Variants in CERS4 observed in about 807,000 individuals in gnomAD.
CERS4 encodes ceramide synthase 4.
A neutral mutation model predicts 51.8 loss-of-function variants in CERS4; 65 were observed. That is an observed-to-expected ratio of 1.26 (90% confidence interval 1.03 to 1.54). The LOEUF (loss-of-function observed/expected upper bound fraction) is 1.54. CERS4 is among the 40% of genes most tolerant of loss of function. The pLI is 0.00. For synonymous variants in CERS4, 228 were observed against 208.4 expected (o/e 1.09, Z -0.81); for missense variants, 563 against 500.4 (o/e 1.13, Z -1.19).
chr19:8,225,801 C>T (rs1038396500), intron 2 of CERS4, among the ~76,000 whole-genome samples: 11 of 151,918 alleles, frequency 7.2e-5, no homozygotes, highest in African/African-American at 2.7e-4. Context: ...ATGCCTGGTG[C>T]CACAGAGCTG....
intron 3 of CERS4, among the ~76,000 whole-genome samples, chr19:8,251,808 A>G (rs1969095937): frequency 6.7e-6 from 1 of 149,412 alleles, no homozygotes; most frequent in Non-Finnish European, 1.5e-5. Context: ...CATAAAAAAA[A>G]AAAAATGTGA....
intron 2 of CERS4, among the ~76,000 whole-genome samples, chr19:8,212,841 T>G (rs559273988): frequency 2.6e-5 from 4 of 151,214 alleles, no homozygotes; most frequent in Non-Finnish European, 5.9e-5. Flanking sequence ...GGGGGGTGGG[T>G]TTCACCATGT....
chr19:8,261,732 CCTTCTTCGGCT>C lies in CERS4; in HGVS notation c.894_904del (p.Phe299LeufsTer27). 1 of 1,614,158 alleles carries C rather than the reference CCTTCTTCGGCT, an allele frequency of 6.2e-7. No homozygotes were observed. The highest frequency in any genetic ancestry group is 8.5e-7 in the Non-Finnish European group (1 of 1,180,018). ...TACGAGTCCATCAGCAACAGGGGCC[CCTTCTTCGGCT>C]ACTACTTCTTCAACGGGCTTCTGAT... On this transcript the variant is annotated frameshift_variant, in exon 11 of 12. Transcript: ENST00000251363. LOFTEE classifies it high-confidence loss of function.
At chr19:8,255,523 G>A (rs1472142569) in intron 4 of CERS4, 84 bp from the exon 5 acceptor site, 1 of 1,209,374 alleles carries the variant, frequency 8.3e-7, no homozygotes, top group Non-Finnish European at 1.2e-6. Context: ...GCAGTGGAGA[G>A]GGCAGAGCCA....
chr19:8,252,103 G>A (rs2145297937), intron 3 of CERS4, among the ~76,000 whole-genome samples: 1 of 151,824 alleles, frequency 6.6e-6, no homozygotes, highest in South Asian at 2.1e-4. Flanking sequence ...GGGTGCAGTG[G>A]CTCATGCCTG....
intron 2 of CERS4, among the ~76,000 whole-genome samples, chr19:8,246,385 T>A (rs1968789759): frequency 6.6e-6 from 1 of 151,400 alleles, no homozygotes; most frequent in East Asian, 2.0e-4. Flanking sequence ...AGGGAGACCC[T>A]CTCTCTACAC....
At chr19:8,236,304 C>T (rs1846999317) in intron 2 of CERS4, among the ~76,000 whole-genome samples, 1 of 152,180 alleles carries the variant, frequency 6.6e-6, no homozygotes, top group Non-Finnish European at 1.5e-5. Context: ...AAAGACGTTT[C>T]CTAACATGAC....
chr19:8,259,456 T>C (rs1274745312), intron 10 of CERS4, among the ~76,000 whole-genome samples: 2 of 151,916 alleles, frequency 1.3e-5, no homozygotes, highest in Non-Finnish European at 2.9e-5. Context: ...GACTTTGGCT[T>C]TGACCCCGGG....
At chr19:8,233,717 T>A (rs866243873) in intron 2 of CERS4, among the ~76,000 whole-genome samples, 5 of 152,064 alleles carry the variant, frequency 3.3e-5, no homozygotes, top group African/African-American at 7.2e-5. Context: ...AATTAAAAAA[T>A]TTTTTAATTG....
chr19:8,221,222 G>T (rs1967527351), intron 2 of CERS4, among the ~76,000 whole-genome samples: 1 of 151,236 alleles, frequency 6.6e-6, no homozygotes, highest in Non-Finnish European at 1.5e-5. Context: ...TCCCACCCCA[G>T]CCTCCCAAAG....
rs1275506817 is a variant in CERS4, at chr19:8,224,620, T to C, written c.-2+13758T>C. Among the ~76,000 whole-genome samples, 10 of 152,004 alleles carry C rather than the reference T, an allele frequency of 6.6e-5. No homozygotes were observed. In the East Asian group the frequency reaches 1.9e-3, roughly 29 times the overall value. ...AGGGAATGGCATGTGCCAAGGTCCA[T>C]TTGCTGGGGAGCACCGTGCCAGGCC... On this transcript the variant is annotated intron_variant, in intron 2 of 11. Coordinates refer to ENST00000251363, the MANE Select transcript of CERS4 (RefSeq NM_024552.3).
chr19:8,234,611 T>C (rs1359394278), intron 2 of CERS4, among the ~76,000 whole-genome samples: 1 of 135,510 alleles, frequency 7.4e-6, no homozygotes, highest in Non-Finnish European at 1.5e-5. Context: ...AGGAGTGCAG[T>C]GGCTTGATCT....
intron 2 of CERS4, chr19:8,214,596 A>C (rs1967214005): frequency 6.6e-6 from 1 of 152,392 alleles, no homozygotes; most frequent in African/African-American, 2.4e-5. Flanking sequence ...CCCCCAGTCC[A>C]ACCACAGCAT....
intron 2 of CERS4, among the ~76,000 whole-genome samples, chr19:8,216,509 G>T (rs1967306548): frequency 6.6e-6 from 1 of 151,820 alleles, no homozygotes; most frequent in South Asian, 2.1e-4. Context: ...AGATCAGGTG[G>T]CTCATGCCTG....
intron 2 of CERS4, among the ~76,000 whole-genome samples, chr19:8,219,218 G>A (rs116902926): frequency 0.024 from 3,670 of 151,792 alleles, 234 homozygotes; most frequent in East Asian, 0.19. Flanking sequence ...CGCAAAAAAA[G>A]GTGGTGACTT....
At chr19:8,221,979 T>A (rs1191151217) in intron 2 of CERS4, among the ~76,000 whole-genome samples, 1 of 138,696 alleles carries the variant, frequency 7.2e-6, no homozygotes, top group Non-Finnish European at 1.5e-5. Context: ...CCTCCCGGGT[T>A]CACGCCATTC....
At chr19:8,214,062 TCA>T (rs201116348) in intron 2 of CERS4, among the ~76,000 whole-genome samples, 1 of 151,680 alleles carries the variant, frequency 6.6e-6, no homozygotes, top group Non-Finnish European at 1.5e-5. Flanking sequence ...TAGGATGCTG[TCA>T]CACACACACA....
chr19:8,240,101 TAACAC>T (rs745317351), intron 2 of CERS4, among the ~76,000 whole-genome samples: 3 of 152,058 alleles, frequency 2.0e-5, no homozygotes, highest in Non-Finnish European at 4.4e-5. Context: ...ATAAGAATGA[TAACAC>T]AGTCAGACAT....
At chr19:8,222,391 C>T (rs1456066986) in intron 2 of CERS4, among the ~76,000 whole-genome samples, 1 of 151,896 alleles carries the variant, frequency 6.6e-6, no homozygotes, top group African/African-American at 2.4e-5. Flanking sequence ...GTTGGCCAGG[C>T]TGGTCTTGAA....
Sources: allele counts gnomAD v4.1 joint callset (sites outside exome capture counted in the v4.1 genomes callset), GRCh38; gene constraint gnomAD v4.1.1; transcripts MANE v1.5; gene names NCBI Gene and HGNC (gene_info 2026-07-23, HGNC 2026-07-21).